Variants in RBFOX1 observed in about 807,000 individuals in gnomAD.
RBFOX1 encodes the protein RNA binding fox-1 homolog 1.
A neutral mutation model predicts 57.7 loss-of-function variants in RBFOX1; 8 were observed. The observed-to-expected ratio is 0.14, with a 90% CI of 0.08 to 0.25. RBFOX1 has a LOEUF of 0.25. Among genes scored for constraint, RBFOX1 ranks in the 10% least tolerant of loss-of-function variants. The pLI is 1.00. For synonymous variants in RBFOX1, 326 were observed against 222.4 expected, an observed-to-expected ratio of 1.47 and a Z score of -4.15; for missense variants, 611 against 548.5, an observed-to-expected ratio of 1.11 and a Z score of -1.14.
chr16:6,534,046 TATTTTATC>T (rs2096701467), intron 2 of RBFOX1, among the ~76,000 whole-genome samples: 1 of 152,154 alleles, frequency 6.6e-6, no homozygotes. Context: ...TGGACTTAAA[TATTTTATC>T]AAGAGAAATG....
chr16:5,613,866 C>T (rs1400369986), intron 3 of RBFOX1, among the ~76,000 whole-genome samples: 2 of 151,830 alleles, frequency 1.3e-5, no homozygotes, highest in African/African-American at 4.8e-5. Context: ...GCATAGAAGT[C>T]CCTCTTTCTT....
chr16:7,148,180 C>A (rs1170612819), intron 4 of RBFOX1, among the ~76,000 whole-genome samples: 4 of 152,098 alleles, frequency 2.6e-5, no homozygotes, highest in Non-Finnish European at 5.9e-5. Context: ...GGATTTACAC[C>A]AAATACTGCC....
At chr16:7,240,504 T>C (rs2094000358) in intron 4 of RBFOX1, among the ~76,000 whole-genome samples, 1 of 152,128 alleles carries the variant, frequency 6.6e-6, no homozygotes, top group Admixed American at 6.6e-5. Context: ...TTGTATTGAT[T>C]TCTGTTTCTA....
At chr16:7,434,436 C>A (rs1187442653) in intron 4 of RBFOX1, among the ~76,000 whole-genome samples, 2 of 151,898 alleles carry the variant, frequency 1.3e-5, no homozygotes, top group Admixed American at 6.6e-5. Context: ...AGCACCACTG[C>A]ACTCCAGCCC....
intron 3 of RBFOX1, among the ~76,000 whole-genome samples, chr16:7,021,574 TA>T (rs1029289591): frequency 1.6e-3 from 227 of 145,962 alleles, no homozygotes; most frequent in Non-Finnish European, 1.9e-3. Context: ...TTATATTTTA[TA>T]AAATATATAA....
chr16:6,893,106 C>A (rs1050896873), intron 3 of RBFOX1, among the ~76,000 whole-genome samples: 1 of 152,200 alleles, frequency 6.6e-6, no homozygotes, highest in African/African-American at 2.4e-5. Flanking sequence ...CTCCTAGATT[C>A]CATTCACAGG....
At chr16:6,703,039 G>T (rs1603444823) in intron 3 of RBFOX1, among the ~76,000 whole-genome samples, 1 of 152,112 alleles carries the variant, frequency 6.6e-6, no homozygotes, top group South Asian at 2.1e-4. Context: ...TTGGTATCTG[G>T]CCTATCTCAC....
At chr16:7,255,016 T>C (rs2094621468) in intron 4 of RBFOX1, among the ~76,000 whole-genome samples, 1 of 152,180 alleles carries the variant, frequency 6.6e-6, no homozygotes, top group African/African-American at 2.4e-5. Flanking sequence ...GTGTCCTGAG[T>C]GTGCATAATT....
rs184122793 is a variant in RBFOX1 at position 7,329,686 on chromosome 16, A to T, written c.28-188461A>T. On this transcript the variant is annotated intron_variant, in intron 4 of 15. Coordinates refer to ENST00000550418, the MANE Select transcript of RBFOX1 (RefSeq NM_018723.4). Reference sequence around the variant, plus strand: ...TATAAATACAAAATCAGAATCAGAGAATGTATGAGTAATGGTGATCGCGAC... The same window carrying T: ...TATAAATACAAAATCAGAATCAGAGTATGTATGAGTAATGGTGATCGCGAC... Among the ~76,000 whole-genome samples, 586 of 152,296 alleles carry T rather than the reference A, an allele frequency of 3.8e-3. 3 individuals carry two copies. The highest frequency in any genetic ancestry group is 6.0e-3 in the Non-Finnish European group (405 of 68,024).
chr16:7,034,979 C>T (rs984263081), intron 3 of RBFOX1, among the ~76,000 whole-genome samples: 1 of 150,396 alleles, frequency 6.6e-6, no homozygotes, highest in Admixed American at 6.6e-5. Context: ...CTCTGAGTAG[C>T]TGGGCCTACA....
At chr16:7,520,416 G>T (rs954458035) in intron 5 of RBFOX1, among the ~76,000 whole-genome samples, 1 of 152,214 alleles carries the variant, frequency 6.6e-6, no homozygotes, top group Admixed American at 6.5e-5. Context: ...CCACTAAGCA[G>T]ACACTCCCCA....
intron 5 of RBFOX1, among the ~76,000 whole-genome samples, chr16:7,523,838 G>T (rs754754427): frequency 7.2e-5 from 11 of 152,182 alleles, no homozygotes; most frequent in Non-Finnish European, 1.5e-4. Flanking sequence ...ATCTACACCA[G>T]CAGAACGTGG....
chr16:5,399,297 C>T (rs1165316076), intron 1 of RBFOX1, among the ~76,000 whole-genome samples: 1 of 152,140 alleles, frequency 6.6e-6, no homozygotes, highest in East Asian at 1.9e-4. Flanking sequence ...AGGTCAAGGG[C>T]TCACACCTTG....
At chr16:7,244,390 G>A (rs371709734) in intron 4 of RBFOX1, among the ~76,000 whole-genome samples, 6 of 151,998 alleles carry the variant, frequency 3.9e-5, no homozygotes, top group East Asian at 3.9e-4. Context: ...GACCATGCTG[G>A]TCCTTTTTCC....
intron 4 of RBFOX1, among the ~76,000 whole-genome samples, chr16:7,459,408 C>G (rs191122972): frequency 6.6e-6 from 1 of 152,294 alleles, no homozygotes; most frequent in African/African-American, 2.4e-5. Context: ...CCTTCCTTCT[C>G]TGGCAAATTG....
chr16:7,241,245 C>A (rs1363987101), intron 4 of RBFOX1, among the ~76,000 whole-genome samples: 4 of 152,122 alleles, frequency 2.6e-5, no homozygotes, highest in African/African-American at 9.7e-5. Flanking sequence ...TTCTCATTAG[C>A]TGAATTCTGG....
At chr16:6,606,671 C>T (rs1464047683) in intron 2 of RBFOX1, among the ~76,000 whole-genome samples, 74 of 152,074 alleles carry the variant, frequency 4.9e-4, no homozygotes, top group Non-Finnish European at 1.5e-4. Context: ...CCATCCATGT[C>T]CCTGCAAAAA....
At chr16:7,479,681 G>C (rs1271263085) in intron 4 of RBFOX1, among the ~76,000 whole-genome samples, 1 of 152,122 alleles carries the variant, frequency 6.6e-6, no homozygotes, top group Non-Finnish European at 1.5e-5. Flanking sequence ...CCCTCTTGGG[G>C]CTGCTTCTCT....
At chr16:6,051,753 A>C (rs1477997144) in intron 1 of RBFOX1, among the ~76,000 whole-genome samples, 1 of 152,120 alleles carries the variant, frequency 6.6e-6, no homozygotes, top group Admixed American at 6.5e-5. Flanking sequence ...TAGTAGAGAC[A>C]GGGTTTCATC....
Sources: allele counts gnomAD v4.1 joint callset (sites outside exome capture counted in the v4.1 genomes callset), GRCh38; gene constraint gnomAD v4.1.1; transcripts MANE v1.5; gene names NCBI Gene and HGNC (gene_info 2026-07-23, HGNC 2026-07-21).